The following ANKRD2 variants were observed in gnomAD, a reference collection of about 807,000 sequenced individuals.
ANKRD2 encodes ankyrin repeat domain 2.
Under a neutral mutation model 37.3 loss-of-function variants are expected in ANKRD2, and 35 were observed. The observed-to-expected ratio is 0.94, with a 90% CI of 0.72 to 1.24. The LOEUF is 1.24. ANKRD2 is among the 50% of genes most tolerant of loss of function. The pLI is 0.00. For synonymous variants in ANKRD2, 159 were observed against 186.5 expected, an observed-to-expected ratio of 0.85 and a Z score of 1.20; for missense variants, 410 against 445.6, an observed-to-expected ratio of 0.92 and a Z score of 0.72.
intron 8 of ANKRD2, among the ~76,000 whole-genome samples, chr10:97,583,337 G>T (rs1048257075): frequency 3.3e-5 from 5 of 152,156 alleles, no homozygotes; most frequent in Non-Finnish European, 7.4e-5. Flanking sequence ...GTGATTGTTT[G>T]TTGTAGGGGA....
intron 7 of ANKRD2, 40 bp from the exon 8 acceptor site, chr10:97,582,564 C>T: frequency 6.2e-7 from 1 of 1,601,592 alleles, no homozygotes; most frequent in Non-Finnish European, 8.6e-7. Context: ...CCTCCTCCCA[C>T]TGCCCACAAG....
chr10:97,578,916 C>T (rs551971957), intron 4 of ANKRD2, among the ~76,000 whole-genome samples: 19 of 152,332 alleles, frequency 1.2e-4, no homozygotes, highest in African/African-American at 4.6e-4. Context: ...TCCCATCTCT[C>T]TCACTCACGA....
Position 97,577,864 on chromosome 10 carries a change from A to C in ANKRD2, c.152A>C (p.His51Pro), listed in dbSNP as rs759766942. 3.8e-6 allele frequency: 6 copies of C among 1,572,386 alleles called. No individual in the cohort carries two copies. The highest frequency in any genetic ancestry group is 1.9e-4 in the Middle Eastern group (1 of 5,384). The change falls in exon 2 of 9, where the codon CAC (histidine) becomes CCC (proline). Residue 51 changes from histidine (H) to proline (P), a missense_variant. Coordinates refer to ENST00000370655, the MANE Select transcript of ANKRD2 (RefSeq NM_001346793.2). The stretch of plus-strand genomic sequence containing the variant: ...TTGCTGGTGCTGGAGGATGAGAAGC[A>C]CCACGGGGCTCAGAGTGCAGCCCTG... The part of the protein sequence containing the change: ...MDLLVLEDEK[H>P]HGAQSAALQK...
Position 97,583,598 on chromosome 10 carries a change from T to C in ANKRD2, c.875T>C (p.Leu292Pro). 1.2e-6 allele frequency: 2 copies of C among 1,604,452 alleles called. No individual in the cohort carries two copies. Among genetic ancestry groups the C allele is most frequent in the Non-Finnish European group, 8.5e-7 (1 of 1,176,110 alleles). ...CAGGCAGGAAAGACCCCGACGGACC[T>C]GGTGCAGCTCTGGCAGGCTGATACC... ...KNLAGKTPTD[L>P]VQLWQADTRH... The change falls in exon 9 of 9, where the codon CTG (leucine) becomes CCG (proline). Residue 292 changes from leucine to proline, a missense_variant. Leu to Pro is a moderately conservative substitution (Grantham distance 98, BLOSUM62 -3). Transcript: ENST00000370655.
At position 97,582,786 on chromosome 10, in the gene ANKRD2, C is replaced by T. The variant is rs1448957112; in HGVS notation, c.852+84C>T. The T allele has an allele frequency of 5.5e-5, 68 of 1,226,298 alleles. 1 individual carries two copies. The highest frequency in any genetic ancestry group is 2.2e-4 in the African/African-American group (15 of 67,344). The allele number at this position is 1,226,298 out of a possible 1,614,324, so 76.0% of individuals were successfully genotyped here. ...CTGTCCTGGTCCCTGGAGCAGCCCC[C>T]GCCTAGGGACATGTATCATTGGCTC... is the stretch of plus-strand genomic sequence containing the variant. On this transcript the variant is annotated intron_variant, in intron 8 of 8. Coordinates refer to ENST00000370655, the MANE Select transcript of ANKRD2 (RefSeq NM_001346793.2).
intron 3 of ANKRD2, 40 bp downstream of exon 3, chr10:97,578,438 G>A: frequency 1.9e-6 from 3 of 1,609,718 alleles, no homozygotes; most frequent in Non-Finnish European, 2.5e-6. Flanking sequence ...GGGCGGAGGG[G>A]GAGCCCGGGA....
At chr10:97,576,600 C>T (rs2040828745) in intron 1 of ANKRD2, among the ~76,000 whole-genome samples, 1 of 152,002 alleles carries the variant, frequency 6.6e-6, no homozygotes, top group Non-Finnish European at 1.5e-5. Context: ...TGAGTAAGAA[C>T]ATTTAAGAAG....
chr10:97,582,483 T>C, intron 7 of ANKRD2, 70 bp downstream of exon 7: 1 of 1,577,322 alleles, frequency 6.3e-7, no homozygotes, highest in Non-Finnish European at 8.7e-7. Flanking sequence ...CTACAGGTGG[T>C]GTCCTTCCTC....
intron 1 of ANKRD2, among the ~76,000 whole-genome samples, chr10:97,576,365 A>G (rs539488312): frequency 1.3e-4 from 20 of 152,352 alleles, no homozygotes; most frequent in Middle Eastern, 3.4e-3. Context: ...CAGGAAAATC[A>G]GAGGGCAAAT....
At chr10:97,575,236 G>A (rs1399308429) in intron 1 of ANKRD2, among the ~76,000 whole-genome samples, 1 of 152,156 alleles carries the variant, frequency 6.6e-6, no homozygotes, top group Non-Finnish European at 1.5e-5. Context: ...GCCTGGCAGG[G>A]TTCTTGGAGG....
chr10:97,583,487 TGTCAATGAGG>T, intron 8 of ANKRD2, 79 bp from the exon 9 acceptor site: 3 of 1,268,342 alleles, frequency 2.4e-6, no homozygotes, highest in Non-Finnish European at 2.1e-6. Flanking sequence ...GCACTGGTGG[TGTCAATGAGG>T]GTACCTTCTG....
chr10:97,578,200 C>A (rs2040849499), intron 2 of ANKRD2, 40 bp from the exon 3 acceptor site: 5 of 1,345,286 alleles, frequency 3.7e-6, no homozygotes, highest in Non-Finnish European at 4.9e-6. Flanking sequence ...CCCCCAAACT[C>A]TCTGCCCGGC....
Position 97,583,830 on chromosome 10 carries a change from A to G in ANKRD2, c.*105A>G. On this transcript the variant is annotated 3_prime_UTR_variant, in exon 9 of 9. Coordinates refer to ENST00000370655, the MANE Select transcript of ANKRD2 (RefSeq NM_001346793.2). ...ACTGAGGGCCCAGCCTTTTTTCTGCATGATCCAGGAGCACATACCACAAAC... is the reference window on the plus strand; with the variant it reads ...ACTGAGGGCCCAGCCTTTTTTCTGCGTGATCCAGGAGCACATACCACAAAC... 1 of 1,316,208 alleles carries G rather than the reference A, an allele frequency of 7.6e-7. No homozygotes were observed. Among genetic ancestry groups the G allele is most frequent in the Non-Finnish European group, 1.0e-6 (1 of 1,004,934 alleles). 81.5% of individuals were successfully genotyped at this position (1,316,208 alleles called of 1,614,324 possible).
At chr10:97,581,774 T>C (rs1202869116) in intron 6 of ANKRD2, among the ~76,000 whole-genome samples, 3 of 152,240 alleles carry the variant, frequency 2.0e-5, no homozygotes, top group Non-Finnish European at 2.9e-5. Flanking sequence ...TATCCGTCTA[T>C]CCATCCATCC....
rs1162177568 is a variant in ANKRD2 at position 97,580,849 on chromosome 10, G to T, written c.457-6G>T. The T allele has an allele frequency of 6.2e-7, 1 of 1,608,230 alleles. No homozygotes were observed. The highest frequency in any genetic ancestry group is 8.5e-7 in the Non-Finnish European group (1 of 1,177,512). ...GGCCAGGCCCTGACAGCCTCTCTGG[G>T]GACAGTTCCGTCGGACAGCACTGCA... On this transcript the variant is annotated splice_region_variant and splice_polypyrimidine_tract_variant and intron_variant, in intron 4 of 8. Transcript: ENST00000370655.
chr10:97,578,467 CG>C, intron 3 of ANKRD2, 30 bp from the exon 4 acceptor site: 2 of 1,597,928 alleles, frequency 1.3e-6, no homozygotes, highest in Non-Finnish European at 1.7e-6. Context: ...ATTGCTGGGA[CG>C]GCCCGTGACT....
At chr10:97,582,514 C>G in intron 7 of ANKRD2, 90 bp from the exon 8 acceptor site, 2 of 1,562,082 alleles carry the variant, frequency 1.3e-6, no homozygotes, top group South Asian at 2.2e-5. Flanking sequence ...CAGGACTTGG[C>G]TCCTGAGCAG....
intron 1 of ANKRD2, 70 bp downstream of exon 1, chr10:97,572,945 TC>T: frequency 1.4e-6 from 2 of 1,440,386 alleles, no homozygotes; most frequent in Non-Finnish European, 1.9e-6. Context: ...GGGAGGGAGA[TC>T]CTGTCTGCTA....
chr10:97,578,485 T>C lies in ANKRD2; in HGVS notation c.349-13T>C, dbSNP rs2040856992. 1 of 1,591,270 alleles carries C rather than the reference T, an allele frequency of 6.3e-7. No individual in the cohort carries two copies. Among genetic ancestry groups the C allele is most frequent in the Non-Finnish European group, 8.6e-7 (1 of 1,168,890 alleles). ...GCTGGGACGGCCCGTGACTGCTGCG[T>C]CCACATCTGCAGACTGGCCCTGTGG... On this transcript the variant is annotated splice_polypyrimidine_tract_variant and intron_variant, in intron 3 of 8. Coordinates refer to ENST00000370655, the MANE Select transcript of ANKRD2 (RefSeq NM_001346793.2).
Sources: allele counts gnomAD v4.1 joint callset (sites outside exome capture counted in the v4.1 genomes callset), GRCh38; gene constraint gnomAD v4.1.1; transcripts MANE v1.5; gene names NCBI Gene and HGNC (gene_info 2026-07-23, HGNC 2026-07-21).